Variants in ZC3H11A observed in about 807,000 individuals in gnomAD.
The protein encoded by ZC3H11A is zinc finger CCCH domain-containing protein 11A.
A neutral mutation model predicts 90.8 loss-of-function variants in ZC3H11A; 22 were observed. That is an observed-to-expected ratio of 0.24 (90% CI 0.17 to 0.35). The LOEUF (loss-of-function observed/expected upper bound fraction) is 0.35. ZC3H11A is among the 10% of genes least tolerant of loss of function. The pLI is 1.00. For missense variants in ZC3H11A, 701 were observed against 964.9 expected (o/e 0.73, Z 3.62); for synonymous variants, 294 against 339.8 (o/e 0.87, Z 1.48).
At chr1:203,801,398 G>A (rs1474819575) in intron 1 of ZC3H11A, 177 bp from the exon 2 acceptor site, 2 of 152,100 alleles carry the variant, frequency 1.3e-5, no homozygotes, top group Non-Finnish European at 2.9e-5. Context: ...TTATGTGTTA[G>A]GAATCATTGG....
In ZC3H11A at chr1:203,852,121, T is replaced by C. The variant is rs200859090; in HGVS notation, c.2175-20T>C. On this transcript the variant is annotated intron_variant, in intron 17 of 17. Transcript: ENST00000367210. ...TATTTTTAAAACGGCAGTTTTCTAA[T>C]AATCTTTTTTTTCTTACAGTCTTGT... 9.5e-5 allele frequency: 153 copies of C among 1,612,972 alleles called. No homozygotes were observed. The African/African-American group carries it at 1.7e-3, about 18-fold the overall frequency.
intron 14 of ZC3H11A, 46 bp from the exon 15 acceptor site, chr1:203,849,665 A>G (rs1371437073): frequency 6.4e-7 from 1 of 1,565,240 alleles, no homozygotes; most frequent in East Asian, 2.2e-5. Context: ...CATACAGGTT[A>G]TTAGAGGTAC....
At chr1:203,836,456 A>C (rs755044381) in intron 10 of ZC3H11A, among the ~76,000 whole-genome samples, 1 of 152,206 alleles carries the variant, frequency 6.6e-6, no homozygotes, top group Non-Finnish European at 1.5e-5. Context: ...GAACAGTGTA[A>C]TAAAACTAGA....
chr1:203,850,359 A>C (rs1368510972), intron 15 of ZC3H11A, 156 bp from the exon 16 acceptor site: 1 of 1,107,828 alleles, frequency 9.0e-7, no homozygotes, highest in African/African-American at 1.5e-5. Context: ...CCACCATGTG[A>C]CCACAAATTG....
intron 9 of ZC3H11A, 144 bp downstream of exon 9, chr1:203,831,915 G>T: frequency 6.2e-6 from 4 of 649,674 alleles, no homozygotes; most frequent in South Asian, 4.4e-5. Context: ...TGAAAAGTTG[G>T]TACATTCAAC....
chr1:203,825,495 C>T (rs1680230241), intron 4 of ZC3H11A, among the ~76,000 whole-genome samples: 2 of 141,956 alleles, frequency 1.4e-5, no homozygotes, highest in South Asian at 4.4e-4. Flanking sequence ...AGTGCAGTGG[C>T]TCCATCTTGG....
In ZC3H11A at chr1:203,819,753, C is replaced by T. The variant is rs572600056; in HGVS notation, c.174+1064C>T. Among the ~76,000 whole-genome samples the T allele has an allele frequency of 2.1e-4, 32 of 149,424 alleles. 1 individual carries two copies. The East Asian group carries it at 5.5e-3, about 26-fold the overall frequency. Reference sequence around the variant, plus strand: ...TTTGCCATGCTGGTCAGGCTGGTCTCGAACTCCTGATCTCTGGTGATCCAC... The same window carrying T: ...TTTGCCATGCTGGTCAGGCTGGTCTTGAACTCCTGATCTCTGGTGATCCAC... On this transcript the variant is annotated intron_variant, in intron 4 of 17. Coordinates refer to ENST00000367210, the MANE Select transcript of ZC3H11A (RefSeq NM_001376342.1).
At chr1:203,816,421 C>T (rs1431747589) in intron 2 of ZC3H11A, among the ~76,000 whole-genome samples, 1 of 152,052 alleles carries the variant, frequency 6.6e-6, no homozygotes, top group Non-Finnish European at 1.5e-5. Context: ...GGCAGGAGTT[C>T]AAGACCAGAC....
intron 4 of ZC3H11A, among the ~76,000 whole-genome samples, chr1:203,820,468 ATG>A (rs71145033): frequency 6.6e-6 from 1 of 150,382 alleles, no homozygotes. Context: ...ATCACAAATT[ATG>A]TGTGTGTGTG....
At chr1:203,797,366 A>G (rs923368794) in intron 1 of ZC3H11A, 10 of 680,478 alleles carry the variant, frequency 1.5e-5, no homozygotes, top group African/African-American at 9.2e-5. Flanking sequence ...TTTTCCTCCA[A>G]AAATAACCTG....
intron 8 of ZC3H11A, among the ~76,000 whole-genome samples, chr1:203,831,341 T>C (rs1682297515): frequency 6.6e-6 from 1 of 152,208 alleles, no homozygotes; most frequent in African/African-American, 2.4e-5. Flanking sequence ...TTGATACACC[T>C]GATGGCTAGT....
chr1:203,800,413 C>A, intron 1 of ZC3H11A: 2 of 1,297,136 alleles, frequency 1.5e-6, no homozygotes, highest in South Asian at 2.5e-5. Flanking sequence ...AGCTGGGATC[C>A]TGAGCAGAAT....
chr1:203,807,634 C>T (rs915690888), intron 2 of ZC3H11A, among the ~76,000 whole-genome samples: 3 of 152,106 alleles, frequency 2.0e-5, no homozygotes, highest in East Asian at 3.9e-4. Context: ...TCAAGTGATC[C>T]TTCCAGCTCA....
At position 203,853,021 on chromosome 1, in the gene ZC3H11A, CA is replaced by C. The variant is rs1275910384; in HGVS notation, c.*624del. 3.3e-5 allele frequency: 5 copies of C among 152,560 alleles called. No homozygotes were observed. Among genetic ancestry groups the C allele is most frequent in the Non-Finnish European group, 7.3e-5 (5 of 68,162 alleles). The allele number at this position is 152,560 out of a possible 1,614,324, so 9.5% of individuals were successfully genotyped here. Reference sequence around the variant, plus strand: ...TGCTGCTCTGTTAGCCTCTGAAGAGCAATATCTAATTTATTATTACTGTAAT... The same window carrying C: ...TGCTGCTCTGTTAGCCTCTGAAGAGCATATCTAATTTATTATTACTGTAAT... On this transcript the variant is annotated 3_prime_UTR_variant, in exon 18 of 18. Coordinates refer to ENST00000367210, the MANE Select transcript of ZC3H11A (RefSeq NM_001376342.1).
At chr1:203,816,473 T>A (rs570786743) in intron 2 of ZC3H11A, among the ~76,000 whole-genome samples, 39 of 152,094 alleles carry the variant, frequency 2.6e-4, no homozygotes, top group South Asian at 8.3e-4. Flanking sequence ...AAATTTTTTT[T>A]AAAAAATTAG....
At chr1:203,809,514 T>G (rs1174500079) in intron 2 of ZC3H11A, among the ~76,000 whole-genome samples, 2 of 152,104 alleles carry the variant, frequency 1.3e-5, no homozygotes, top group Non-Finnish European at 2.9e-5. Flanking sequence ...TTTGTAGCAA[T>G]GCTATATCCT....
In ZC3H11A at chr1:203,801,841, A is replaced by G. The variant is rs537080346; in HGVS notation, c.-1321A>G. The G allele has an allele frequency of 6.6e-6, 1 of 151,814 alleles. No homozygotes were observed. The highest frequency in any genetic ancestry group is 6.6e-5 in the Admixed American group (1 of 15,222). 9.4% of individuals were successfully genotyped at this position (151,814 alleles called of 1,614,324 possible). On this transcript the variant is annotated 5_prime_UTR_variant, in exon 2 of 18. Coordinates refer to ENST00000367210, the MANE Select transcript of ZC3H11A (RefSeq NM_001376342.1). ...GATTTTTTTTTTTTTTAAATTCTTA[A>G]ATGGTAAATATGCCATTGTGAAATG...
rs745942363 is a variant in ZC3H11A at position 203,851,065 on chromosome 1, C to G, written c.2115C>G (p.Val705=). The G allele has an allele frequency of 1.2e-6, 2 of 1,614,156 alleles. No individual in the cohort carries two copies. Among genetic ancestry groups the G allele is most frequent in the Admixed American group, 3.3e-5 (2 of 60,000 alleles). ...PPAKKAAVAV[V]PLVSEDKSVT... is the part of the protein sequence containing the mutation. ...GACTCTTCCTTTTGTAGGCTGTTGTCCCGCTTGTCTCTGAGGACAAATCAG... is the reference window on the plus strand; with the variant it reads ...GACTCTTCCTTTTGTAGGCTGTTGTGCCGCTTGTCTCTGAGGACAAATCAG... The change falls in exon 17 of 18, where the codon GTC becomes GTG. Residue 705 remains valine, a synonymous_variant. Transcript: ENST00000367210.
chr1:203,817,198 T>G (rs1676638304), intron 3 of ZC3H11A, 74 bp downstream of exon 3: 2 of 1,285,150 alleles, frequency 1.6e-6, no homozygotes, highest in African/African-American at 3.1e-5. Context: ...TTCCCAACAT[T>G]TTAAGTTGTT....
Sources: allele counts gnomAD v4.1 joint callset (sites outside exome capture counted in the v4.1 genomes callset), GRCh38; gene constraint gnomAD v4.1.1; transcripts MANE v1.5; gene names NCBI Gene and HGNC (gene_info 2026-07-23, HGNC 2026-07-21).